SLC6A19: variants seen among roughly 807,000 people sequenced by gnomAD.
SLC6A19 encodes sodium-dependent neutral amino acid transporter B(0)AT1.
Under a neutral mutation model 68.3 loss-of-function variants are expected in SLC6A19, and 67 were observed. That is an observed-to-expected ratio of 0.98 (90% CI 0.81 to 1.20). The LOEUF (loss-of-function observed/expected upper bound fraction) is 1.20. SLC6A19 is among the 50% of genes most tolerant of loss of function. The pLI is 0.00. For missense variants in SLC6A19, 813 were observed against 851.6 expected, an observed-to-expected ratio of 0.95 and a Z score of 0.56; for synonymous variants, 392 against 374.9, an observed-to-expected ratio of 1.05 and a Z score of -0.53.
intron 8 of SLC6A19, among the ~76,000 whole-genome samples, chr5:1,218,265 C>T (rs1746261723): frequency 6.6e-6 from 1 of 152,230 alleles, no homozygotes; most frequent in African/African-American, 2.4e-5. Flanking sequence ...CCTGCCATAT[C>T]CAATCCCTGA....
rs779635631 is a variant in SLC6A19, at chr5:1,222,301, C to A, written c.*397C>A. On this transcript the variant is annotated 3_prime_UTR_variant, in exon 12 of 12. Transcript: ENST00000304460. The stretch of plus-strand genomic sequence containing the variant: ...GTGCATGTATATATAGACATACATG[C>A]CTATGTTGTGTGTGGTGTGCATATG... 1.7e-5 allele frequency: 9 copies of A among 541,584 alleles called. No individual in the cohort carries two copies. Among genetic ancestry groups the A allele is most frequent in the Non-Finnish European group, 2.9e-5 (9 of 308,350 alleles). The allele number at this position is 541,584 out of a possible 1,614,324, so 33.5% of individuals were successfully genotyped here. A position where few individuals can be genotyped will look rare whatever the true frequency, so the allele number is the denominator to read the frequency against.
chr5:1,204,015 G>C (rs1369446309), intron 1 of SLC6A19, among the ~76,000 whole-genome samples: 2 of 152,178 alleles, frequency 1.3e-5, no homozygotes, highest in African/African-American at 4.8e-5. Context: ...TCCCTGGGAG[G>C]CCACACCCAC....
rs1418862901 is a variant in SLC6A19, at chr5:1,212,599, C to T, written c.663+115C>T. 3 of 1,322,304 alleles carry T rather than the reference C, an allele frequency of 2.3e-6. No individual in the cohort carries two copies. Among genetic ancestry groups the T allele is most frequent in the African/African-American group, 1.5e-5 (1 of 68,764 alleles). The allele number at this position is 1,322,304 out of a possible 1,614,324, so 81.9% of individuals were successfully genotyped here. A position where few individuals can be genotyped will look rare whatever the true frequency, so the allele number is the denominator to read the frequency against. ...TCTGGGGGTCCCGGGCTCTGCCTTT[C>T]CCCAGACCCCACCAAGAGAGCTGCC... On this transcript the variant is annotated intron_variant, in intron 4 of 11. Transcript: ENST00000304460. The surrounding 1 kb of genome is among the most constrained non-coding windows in gnomAD (Gnocchi z 5.1).
chr5:1,203,489 G>A (rs1466532598), intron 1 of SLC6A19, among the ~76,000 whole-genome samples: 6 of 152,198 alleles, frequency 3.9e-5, no homozygotes, highest in Non-Finnish European at 5.9e-5. Flanking sequence ...GGATGTGCTG[G>A]GTCTCAGATG....
rs529281829 is a variant in SLC6A19, at chr5:1,217,207, C to T, written c.1173+262C>T. 2.0e-5 allele frequency among the ~76,000 whole-genome samples: 3 copies of T among 152,378 alleles called. No individual in the cohort carries two copies. In the South Asian group the frequency reaches 6.2e-4, roughly 32 times the overall value. ...CAGAGGCAGGAGCCGGGGAACACCA[C>T]GGGCTGCCCCTCCATTCTCTCCTAT... On this transcript the variant is annotated intron_variant, in intron 8 of 11. Transcript: ENST00000304460.
Position 1,213,489 on chromosome 5 carries a change from C to A in SLC6A19, c.690C>A (p.Pro230=). 6.2e-7 allele frequency: 1 copy of A among 1,607,884 alleles called. No homozygotes were observed. Among genetic ancestry groups the A allele is most frequent in the South Asian group, 1.1e-5 (1 of 90,676 alleles). The change falls in exon 5 of 12, where the codon CCC becomes CCA. Residue 230 remains proline (P), a synonymous_variant. Transcript: ENST00000304460. ...GKAVYITSTL[P]YVVLTIFLIR... ...CCGTGTACATCACCTCCACGCTGCC[C>A]TATGTCGTCCTGACCATCTTCCTCA...
rs771128542 is a variant in SLC6A19, at chr5:1,216,625, A to G, written c.955A>G (p.Ile319Val). Residue 319 changes from isoleucine (I) to valine (V), a missense_variant, in exon 7 of 12, where the codon ATC becomes GTC. Transcript: ENST00000304460. ...CGGCTTCACATCGGTGTATGTGGCC[A>G]TCGTGGTCTACTCCGTCATTGGGTT... ...INGFTSVYVA[I>V]VVYSVIGFRA... is the part of the protein sequence containing the mutation. 1.2e-6 allele frequency: 2 copies of G among 1,614,102 alleles called. No individual in the cohort carries two copies. The highest frequency in any genetic ancestry group is 1.7e-6 in the Non-Finnish European group (2 of 1,180,044).
rs1746410997 is a variant in SLC6A19 at position 1,222,307 on chromosome 5, T to C, written c.*403T>C. The C allele has an allele frequency of 1.8e-6, 1 of 541,996 alleles. No homozygotes were observed. The allele number at this position is 541,996 out of a possible 1,614,324, so 33.6% of individuals were successfully genotyped here. ...GTATATATAGACATACATGCCTATG[T>C]TGTGTGTGGTGTGCATATGTGTGAA... On this transcript the variant is annotated 3_prime_UTR_variant, in exon 12 of 12. Coordinates refer to ENST00000304460, the MANE Select transcript of SLC6A19 (RefSeq NM_001003841.3).
chr5:1,217,038 C>A (rs1028463409), intron 8 of SLC6A19, 93 bp downstream of exon 8: 1 of 1,587,832 alleles, frequency 6.3e-7, no homozygotes, highest in South Asian at 1.1e-5. Context: ...CTGTGGAGGA[C>A]GCAGATGCTG....
intron 8 of SLC6A19, 131 bp from the exon 9 acceptor site, chr5:1,218,772 T>C: frequency 1.2e-6 from 1 of 844,122 alleles, no homozygotes; most frequent in Non-Finnish European, 1.9e-6. Context: ...AGACAAGATC[T>C]AGCTATTTCA....
At position 1,216,997 on chromosome 5, in the gene SLC6A19, C is replaced by T. The variant is rs116283705; in HGVS notation, c.1173+52C>T. The T allele has an allele frequency of 2.9e-3, 4,707 of 1,609,754 alleles. 122 individuals carry two copies. The African/African-American group carries it at 0.054, about 19-fold the overall frequency. On this transcript the variant is annotated intron_variant, in intron 8 of 11. Coordinates refer to ENST00000304460, the MANE Select transcript of SLC6A19 (RefSeq NM_001003841.3). The stretch of plus-strand genomic sequence containing the variant: ...GGGAGAGGGCACCCCTTGCTGGCAC[C>T]TCAGAGTCCGGCCACCCCTGGGCCC...
At chr5:1,205,050 C>G (rs188258584) in intron 1 of SLC6A19, among the ~76,000 whole-genome samples, 72 of 152,310 alleles carry the variant, frequency 4.7e-4, no homozygotes, top group African/African-American at 1.3e-3. Flanking sequence ...TGGGTGCTTT[C>G]CATTTGGCCA....
rs371553611 is a variant in SLC6A19 at position 1,216,868 on chromosome 5, C to T, written c.1096C>T (p.Arg366Trp). The T allele has an allele frequency of 3.0e-5, 49 of 1,613,608 alleles. No homozygotes were observed. The highest frequency in any genetic ancestry group is 8.0e-5 in the African/African-American group (6 of 74,952). ...TQENFVDMQQ[R>W]CNASDPAAYA... is the part of the protein sequence containing the mutation. ...GGAGAACTTTGTGGACATGCAGCAG[C>T]GGTGCAACGCCTCCGACCCCGCGGC... Residue 366 changes from arginine to tryptophan, a missense_variant, in exon 8 of 12, where the codon CGG becomes TGG. Arg to Trp is a moderately radical substitution (Grantham distance 101). Transcript: ENST00000304460.
rs1408316427 is a variant in SLC6A19, at chr5:1,212,622, G to T, written c.663+138G>T. The T allele has an allele frequency of 7.8e-6, 9 of 1,155,126 alleles. No homozygotes were observed. The highest frequency in any genetic ancestry group is 1.1e-5 in the Non-Finnish European group (9 of 809,846). The allele number at this position is 1,155,126 out of a possible 1,614,324, so 71.6% of individuals were successfully genotyped here. ...TTCCCCAGACCCCACCAAGAGAGCTGCCTTTGCCCTTAGGCTCACTGGCCT... is the reference window on the plus strand; with the variant it reads ...TTCCCCAGACCCCACCAAGAGAGCTTCCTTTGCCCTTAGGCTCACTGGCCT... On this transcript the variant is annotated intron_variant, in intron 4 of 11. Transcript: ENST00000304460. This position sits in a 1 kb window ranked among gnomAD's most constrained non-coding sequence, Gnocchi z 5.1.
chr5:1,220,485 C>T lies in SLC6A19; in HGVS notation c.1539-666C>T, dbSNP rs185325345. On this transcript the variant is annotated intron_variant, in intron 10 of 11. Coordinates refer to ENST00000304460, the MANE Select transcript of SLC6A19 (RefSeq NM_001003841.3). The stretch of plus-strand genomic sequence containing the variant: ...TTAACATTGAGCAGGCACAGCCCTG[C>T]AGGCTCCCGGCTTGGGAAAACCCCA... Among the ~76,000 whole-genome samples the T allele has an allele frequency of 7.9e-5, 12 of 151,912 alleles. No homozygotes were observed. The East Asian group carries it at 1.4e-3, about 17-fold the overall frequency.
Position 1,221,945 on chromosome 5 carries a change from A to G in SLC6A19, c.*41A>G. The G allele has an allele frequency of 3.7e-6, 6 of 1,604,922 alleles. No individual in the cohort carries two copies. The highest frequency in any genetic ancestry group is 1.3e-5 in the African/African-American group (1 of 74,850). Reference sequence around the variant, plus strand: ...GGCGTGCCATACACTGGTGTCAGGGAAGGAGGAACCAGCAAGACCTGTGGG... The same window carrying G: ...GGCGTGCCATACACTGGTGTCAGGGGAGGAGGAACCAGCAAGACCTGTGGG... On this transcript the variant is annotated 3_prime_UTR_variant, in exon 12 of 12. Coordinates refer to ENST00000304460, the MANE Select transcript of SLC6A19 (RefSeq NM_001003841.3).
chr5:1,208,934 T>C (rs752147563), intron 2 of SLC6A19, 48 bp downstream of exon 2: 1 of 1,578,624 alleles, frequency 6.3e-7, no homozygotes, highest in South Asian at 1.1e-5. Flanking sequence ...TCGCCTCTGC[T>C]GGGAAGCCGT....
chr5:1,218,833 G>A (rs1414445340), intron 8 of SLC6A19, 70 bp from the exon 9 acceptor site: 8 of 1,555,102 alleles, frequency 5.1e-6, no homozygotes, highest in Non-Finnish European at 7.0e-6. Context: ...CGACGCACGA[G>A]ACCTCGGGCG....
intron 8 of SLC6A19, 103 bp from the exon 9 acceptor site, chr5:1,218,800 C>T (rs1354410791): frequency 8.2e-7 from 1 of 1,214,174 alleles, no homozygotes; most frequent in East Asian, 2.3e-5. Context: ...TCAGACCTGC[C>T]CGCCCCATGC....
Sources: gnomAD v4.1 joint callset for allele counts (sites outside exome capture counted in the v4.1 genomes callset) on GRCh38, gnomAD v4.1.1 for gene constraint, Gnocchi (gnomAD v3.1) non-coding constraint, MANE v1.5 for transcripts, NCBI Gene and HGNC (gene_info 2026-07-23, HGNC 2026-07-21) for gene names.